The following ZNF236 variants were observed in gnomAD, a reference collection of about 807,000 sequenced individuals.
The protein encoded by ZNF236 is zinc finger protein 236.
In ZNF236, 50 loss-of-function variants were observed where a neutral mutation model predicts 191.2. That is an observed-to-expected ratio of 0.26 (90% CI 0.21 to 0.33). The LOEUF is 0.33. Ranked by LOEUF, ZNF236 falls within the 10% of genes least tolerant of loss-of-function variation. The pLI is 1.00. For missense variants in ZNF236, 1,754 were observed against 2,374.5 expected (o/e 0.74, Z 5.43); for synonymous variants, 907 against 928.8 (o/e 0.98, Z 0.43).
intron 30 of ZNF236, 99 bp from the exon 31 acceptor site, chr18:76,968,116 T>C (rs573382779): frequency 1.4e-6 from 2 of 1,466,978 alleles, no homozygotes; most frequent in African/African-American, 2.8e-5. Context: ...CTTTAGAAAT[T>C]CCTTGTCTCT....
chr18:76,895,656 A>G (rs1977383366), intron 10 of ZNF236, among the ~76,000 whole-genome samples: 1 of 150,386 alleles, frequency 6.6e-6, no homozygotes, highest in South Asian at 2.1e-4. Context: ...TACTGCACAC[A>G]AGTACTGCCC....
Position 76,966,049 on chromosome 18 carries a change from G to A in ZNF236, c.5420-2166G>A, listed in dbSNP as rs558662283. ...GTCTGAGCTCAGACTCTCCTTGGGC[G>A]GGTCTTGCTGTGGCTGAGTATTTGG... On this transcript the variant is annotated intron_variant, in intron 30 of 30. Coordinates refer to ENST00000320610, the MANE Select transcript of ZNF236 (RefSeq NM_001306089.2). Among the ~76,000 whole-genome samples, 6 of 152,304 alleles carry A rather than the reference G, an allele frequency of 3.9e-5. No homozygotes were observed. The East Asian group carries it at 7.7e-4, about 20-fold the overall frequency.
At chr18:76,859,500 T>C (rs1976152044) in intron 3 of ZNF236, among the ~76,000 whole-genome samples, 1 of 152,148 alleles carries the variant, frequency 6.6e-6, no homozygotes, top group Non-Finnish European at 1.5e-5. Context: ...CCGGGTGTGT[T>C]GGGTACTGCA....
chr18:76,956,676 T>C (rs1473370584), intron 28 of ZNF236, among the ~76,000 whole-genome samples: 1 of 152,196 alleles, frequency 6.6e-6, no homozygotes, highest in Non-Finnish European at 1.5e-5. Context: ...AGAGCCATCA[T>C]TGCACAGTGG....
chr18:76,893,541 T>A (rs1249440903), intron 9 of ZNF236, among the ~76,000 whole-genome samples: 1 of 152,162 alleles, frequency 6.6e-6, no homozygotes, highest in Non-Finnish European at 1.5e-5. Context: ...AGGGTCTGGC[T>A]CTGTCGCCCA....
At chr18:76,834,122 T>C (rs1975248729) in intron 1 of ZNF236, among the ~76,000 whole-genome samples, 1 of 152,176 alleles carries the variant, frequency 6.6e-6, no homozygotes, top group South Asian at 2.1e-4. Flanking sequence ...TTAAAATTTA[T>C]TAACAGAACA....
intron 28 of ZNF236, 49 bp from the exon 29 acceptor site, chr18:76,959,638 C>A: frequency 6.4e-7 from 1 of 1,557,576 alleles, no homozygotes; most frequent in South Asian, 1.2e-5. Context: ...TTTCTAGTCT[C>A]GAAAGCTGTT....
At chr18:76,904,588 T>C (rs1190892069) in intron 12 of ZNF236, 67 bp downstream of exon 12, 1 of 1,422,962 alleles carries the variant, frequency 7.0e-7, no homozygotes, top group African/African-American at 1.5e-5. Context: ...TGATGACGTC[T>C]AGAAGTATTT....
intron 1 of ZNF236, among the ~76,000 whole-genome samples, chr18:76,828,160 G>A (rs76834439): frequency 0.013 from 2,038 of 151,792 alleles, 22 homozygotes; most frequent in Non-Finnish European, 0.023. Flanking sequence ...AGGGGTAGTA[G>A]GGCTTTACTT....
rs1159749976 is a variant in ZNF236, at chr18:76,927,438, A to G, written c.4335A>G (p.Leu1445=). ...TCCAGCCCATCTCAGGCCTGTCCTT[A>G]CAGCCCACAGTGACCTCTGCGAACC... The part of the protein sequence containing the change: ...VVIQPISGLS[L]QPTVTSANLT... The change falls in exon 24 of 31, where the codon TTA becomes TTG. Residue 1445 remains leucine, a synonymous_variant. Coordinates refer to ENST00000320610, the MANE Select transcript of ZNF236 (RefSeq NM_001306089.2). This position sits in a 1 kb window ranked among gnomAD's most constrained non-coding sequence, Gnocchi z 5.4. 3 of 1,614,172 alleles carry G rather than the reference A, an allele frequency of 1.9e-6. No homozygotes were observed. The highest frequency in any genetic ancestry group is 2.5e-6 in the Non-Finnish European group (3 of 1,180,016).
chr18:76,943,605 AG>A (rs1968191468), intron 26 of ZNF236, among the ~76,000 whole-genome samples: 2 of 152,224 alleles, frequency 1.3e-5, no homozygotes, highest in South Asian at 4.1e-4. Flanking sequence ...CTTTGTATTT[AG>A]GTATATAAAT....
intron 26 of ZNF236, among the ~76,000 whole-genome samples, chr18:76,939,439 G>A (rs1277027360): frequency 2.6e-5 from 4 of 152,190 alleles, no homozygotes; most frequent in African/African-American, 7.2e-5. Flanking sequence ...GACCAGCCAG[G>A]TCTCCTTTCC....
intron 1 of ZNF236, chr18:76,841,026 C>T (rs1281758814): frequency 1.3e-5 from 2 of 152,240 alleles, no homozygotes; most frequent in Non-Finnish European, 2.9e-5. Flanking sequence ...GCAACCTCCA[C>T]CTCCCGGGTT....
At chr18:76,882,931 G>A (rs536697062) in intron 9 of ZNF236, among the ~76,000 whole-genome samples, 3 of 152,296 alleles carry the variant, frequency 2.0e-5, no homozygotes, top group Non-Finnish European at 2.9e-5. Flanking sequence ...GCGAGTGCCC[G>A]CCTGAGCCCC....
chr18:76,866,975 T>C (rs1369004933), intron 3 of ZNF236, among the ~76,000 whole-genome samples: 3 of 152,146 alleles, frequency 2.0e-5, no homozygotes, highest in Non-Finnish European at 2.9e-5. Flanking sequence ...GTGCATAAAC[T>C]GGGGTTGTCA....
intron 1 of ZNF236, among the ~76,000 whole-genome samples, chr18:76,844,450 G>A (rs1975617714): frequency 6.6e-6 from 1 of 152,036 alleles, no homozygotes; most frequent in Admixed American, 6.6e-5. Flanking sequence ...GGGTTCTGAG[G>A]GTGGTGCACA....
intron 9 of ZNF236, among the ~76,000 whole-genome samples, chr18:76,884,760 G>C (rs1223274939): frequency 6.6e-6 from 1 of 152,146 alleles, no homozygotes; most frequent in Non-Finnish European, 1.5e-5. Flanking sequence ...CTGCAAGTGT[G>C]CTTTTTAAAC....
chr18:76,835,782 C>T (rs17059965), intron 1 of ZNF236, among the ~76,000 whole-genome samples: 6,812 of 152,132 alleles, frequency 0.045, 456 homozygotes, highest in African/African-American at 0.15. Flanking sequence ...CATTTAAGGC[C>T]GTTTTGAGAC....
chr18:76,912,736 A>G (rs1967251311), intron 17 of ZNF236, among the ~76,000 whole-genome samples: 2 of 152,230 alleles, frequency 1.3e-5, no homozygotes, highest in Admixed American at 1.3e-4. Context: ...ATACAGCACA[A>G]TTAGAAAGAC....
Sources: gnomAD v4.1 joint callset for allele counts (sites outside exome capture counted in the v4.1 genomes callset) on GRCh38, gnomAD v4.1.1 for gene constraint, Gnocchi (gnomAD v3.1) non-coding constraint, MANE v1.5 for transcripts, NCBI Gene and HGNC (gene_info 2026-07-23, HGNC 2026-07-21) for gene names.